Variants in DAP3 observed in about 807,000 individuals in gnomAD.
The protein encoded by DAP3 is small ribosomal subunit protein mS29.
DAP3 carries 28 observed loss-of-function variants against 51.9 expected under a neutral mutation model. The ratio of observed to expected loss-of-function variants is 0.54; its 90% CI spans 0.40 to 0.74. The LOEUF is 0.74. DAP3 is among the 30% of genes least tolerant of loss of function. DAP3 has a pLI of 0.00. For synonymous variants in DAP3, 170 were observed against 170.3 expected (o/e 1.00, Z 0.01); for missense variants, 458 against 483.5 (o/e 0.95, Z 0.49).
chr1:155,707,274 G>A (rs1424951007), intron 1 of DAP3, among the ~76,000 whole-genome samples: 2 of 151,992 alleles, frequency 1.3e-5, no homozygotes, highest in Non-Finnish European at 2.9e-5. Flanking sequence ...TTAGCGGGGC[G>A]TGGTGGTGGG....
Position 155,727,752 on chromosome 1 carries a change from C to T in DAP3, c.603+14C>T, listed in dbSNP as rs763504214. On this transcript the variant is annotated intron_variant, in intron 7 of 12. Coordinates refer to ENST00000368336, the MANE Select transcript of DAP3 (RefSeq NM_004632.4). The stretch of plus-strand genomic sequence containing the variant: ...TTCCTGAACCAGGTGACTAGACTCC[C>T]AGAAGTTGAGTGCTAGGTAGTCCTT... The T allele has an allele frequency of 2.5e-6, 4 of 1,612,836 alleles. No homozygotes were observed. Among genetic ancestry groups the T allele is most frequent in the African/African-American group, 2.7e-5 (2 of 74,828 alleles).
chr1:155,736,536 C>T (rs1659816638), intron 11 of DAP3: 1 of 226,200 alleles, frequency 4.4e-6, no homozygotes, highest in Admixed American at 5.5e-5. Flanking sequence ...CAATCCTCAG[C>T]CTCCCGAGTA....
At chr1:155,738,112 C>T (rs1386510693) in intron 12 of DAP3, 45 bp from the exon 13 acceptor site, 4 of 1,580,978 alleles carry the variant, frequency 2.5e-6, no homozygotes, top group African/African-American at 1.3e-5. Context: ...GAACACAGTG[C>T]AGCAGGAGGA....
intron 4 of DAP3, among the ~76,000 whole-genome samples, chr1:155,725,058 T>G (rs562651758): frequency 4.6e-5 from 7 of 152,320 alleles, no homozygotes; most frequent in East Asian, 1.9e-4. Context: ...ATATTTACAG[T>G]GGCCCTAAGT....
intron 2 of DAP3, among the ~76,000 whole-genome samples, chr1:155,711,688 A>G (rs907122671): frequency 2.0e-5 from 3 of 151,666 alleles, no homozygotes; most frequent in African/African-American, 7.3e-5. Flanking sequence ...GAGTTTGTTA[A>G]GGAGTATTGA....
intron 6 of DAP3, 191 bp from the exon 7 acceptor site, chr1:155,727,417 C>A: frequency 2.2e-6 from 1 of 447,136 alleles, no homozygotes; most frequent in Non-Finnish European, 3.5e-6. Context: ...TTACAGTGAA[C>A]TGTGATCACA....
At chr1:155,735,432 C>G (rs931061969) in intron 11 of DAP3, among the ~76,000 whole-genome samples, 2 of 151,816 alleles carry the variant, frequency 1.3e-5, no homozygotes, top group East Asian at 2.0e-4. Context: ...AAAAAATTAG[C>G]TGGGCATGGT....
rs543391584 is a variant in DAP3 at position 155,723,838 on chromosome 1, A to G, written c.271-1544A>G. 3.9e-5 allele frequency among the ~76,000 whole-genome samples: 6 copies of G among 152,308 alleles called. No homozygotes were observed. The East Asian group carries it at 1.2e-3, about 29-fold the overall frequency. On this transcript the variant is annotated intron_variant, in intron 4 of 12. Coordinates refer to ENST00000368336, the MANE Select transcript of DAP3 (RefSeq NM_004632.4). ...CAGATTACTTAAGGCCAGGAGTTCA[A>G]GATGAGCCTGGCCAACATGGTGAAA... is the stretch of plus-strand genomic sequence containing the variant.
At chr1:155,725,545 T>A in intron 5 of DAP3, 55 bp downstream of exon 5, 2 of 1,485,830 alleles carry the variant, frequency 1.3e-6, no homozygotes, top group Non-Finnish European at 1.9e-6. Context: ...TCCCCTCAAA[T>A]AAGGCAACAG....
intron 1 of DAP3, among the ~76,000 whole-genome samples, chr1:155,692,213 A>G (rs972759871): frequency 2.1e-5 from 3 of 141,494 alleles, no homozygotes; most frequent in Admixed American, 6.6e-5. Flanking sequence ...TCTTGAGCAC[A>G]GTGTTTATAG....
intron 3 of DAP3, among the ~76,000 whole-genome samples, chr1:155,720,027 C>CT (rs1384142134): frequency 9.2e-5 from 14 of 152,042 alleles, no homozygotes; most frequent in African/African-American, 3.1e-4. Flanking sequence ...TCTTTTCCAG[C>CT]TTTAAGAGAT....
rs1317412023 is a variant in DAP3, at chr1:155,726,033, G to A, written c.472+14G>A. On this transcript the variant is annotated intron_variant, in intron 6 of 12. Transcript: ENST00000368336. ...ATATTCCAGATGGTAAGAACTTCCT[G>A]TTGTTTCTTCTGTCTGTTAGGTTTA... 5 of 1,603,828 alleles carry A rather than the reference G, an allele frequency of 3.1e-6. No individual in the cohort carries two copies. The highest frequency in any genetic ancestry group is 4.3e-6 in the Non-Finnish European group (5 of 1,172,832).
At chr1:155,707,776 A>G (rs1558346725) in intron 1 of DAP3, among the ~76,000 whole-genome samples, 1 of 152,102 alleles carries the variant, frequency 6.6e-6, no homozygotes, top group Non-Finnish European at 1.5e-5. Context: ...TATATCCCCC[A>G]AATAATTAAT....
At chr1:155,693,236 G>T (rs186742586) in intron 1 of DAP3, among the ~76,000 whole-genome samples, 2 of 141,724 alleles carry the variant, frequency 1.4e-5, no homozygotes, top group Non-Finnish European at 2.9e-5. Context: ...GAATTAGGTC[G>T]AATATCAATA....
rs972190085 is a variant in DAP3, at chr1:155,694,327, A to G, written c.-8+5153A>G. Among the ~76,000 whole-genome samples the G allele has an allele frequency of 1.8e-4, 26 of 141,456 alleles. 8 individuals carry two copies. Among genetic ancestry groups the G allele is most frequent in the African/African-American group, 8.1e-4 (25 of 30,970 alleles). 92.8% of individuals were successfully genotyped at this position (141,456 alleles called of 152,430 possible). The stretch of plus-strand genomic sequence containing the variant: ...CAGGCATCCAAACACTATTATTAAC[A>G]TAAGCCTCAACCGGGGGTTCCAACC... On this transcript the variant is annotated intron_variant, in intron 1 of 12. Transcript: ENST00000368336.
rs1345174177 is a variant in DAP3 at position 155,694,184 on chromosome 1, CT to C, written c.-8+5014del. On this transcript the variant is annotated intron_variant, in intron 1 of 12. Coordinates refer to ENST00000368336, the MANE Select transcript of DAP3 (RefSeq NM_004632.4). ...TTAACTAGCCAATGTTGTCCGTAGC[CT>C]TTTAGGCAACCGACAGCTGGCCCTA... is the stretch of plus-strand genomic sequence containing the variant. 2.1e-5 allele frequency among the ~76,000 whole-genome samples: 3 copies of C among 141,026 alleles called. 1 individual carries two copies. Among genetic ancestry groups the C allele is most frequent in the African/African-American group, 9.8e-5 (3 of 30,612 alleles). 92.5% of individuals were successfully genotyped at this position (141,026 alleles called of 152,430 possible). A position where few individuals can be genotyped will look rare whatever the true frequency, so the allele number is the denominator to read the frequency against.
In DAP3 at chr1:155,709,793, G is replaced by A. The variant is rs61755343; in HGVS notation, c.14G>A (p.Gly5Glu). MMLK[G>E]ITRLISRIHK... The stretch of plus-strand genomic sequence containing the variant: ...AACAGTGCAAGGATGATGCTGAAAG[G>A]AATAACAAGGCTTATCTCTAGGATC... Residue 5 changes from glycine (G) to glutamate (E), a missense_variant, in exon 2 of 13, where the codon GGA becomes GAA. Transcript: ENST00000368336. The A allele has an allele frequency of 3.6e-3, 5,743 of 1,612,956 alleles. 45 individuals carry two copies. The highest frequency in any genetic ancestry group is 0.022 in the Middle Eastern group (136 of 6,060).
chr1:155,697,654 C>T lies in DAP3; in HGVS notation c.-8+8480C>T, dbSNP rs141096645. 3.8e-3 allele frequency among the ~76,000 whole-genome samples: 579 copies of T among 152,112 alleles called. 5 individuals are homozygous for T. The highest frequency in any genetic ancestry group is 0.013 in the African/African-American group (554 of 41,504). ...ATATCACAAAGGCAGAGAGGCAGAGCGAGATCACAAGGCCAGGGCGAAACT... is the reference window on the plus strand; with the variant it reads ...ATATCACAAAGGCAGAGAGGCAGAGTGAGATCACAAGGCCAGGGCGAAACT... On this transcript the variant is annotated intron_variant, in intron 1 of 12. Coordinates refer to ENST00000368336, the MANE Select transcript of DAP3 (RefSeq NM_004632.4).
At chr1:155,691,931 G>A (rs954198985) in intron 1 of DAP3, among the ~76,000 whole-genome samples, 4 of 141,476 alleles carry the variant, frequency 2.8e-5, no homozygotes, top group Non-Finnish European at 5.9e-5. Context: ...TGGGAGCCAG[G>A]GGGCCAGTTG....
Sources: gnomAD v4.1 joint callset for allele counts (sites outside exome capture counted in the v4.1 genomes callset) on GRCh38, gnomAD v4.1.1 for gene constraint, MANE v1.5 for transcripts, NCBI Gene and HGNC (gene_info 2026-07-23, HGNC 2026-07-21) for gene names.